The following RAB38 variants were observed in gnomAD, a reference collection of about 807,000 sequenced individuals.
The protein encoded by RAB38 is ras-related protein Rab-38.
A neutral mutation model predicts 18.4 loss-of-function variants in RAB38; 15 were observed. The ratio of observed to expected loss-of-function variants is 0.82; its 90% confidence interval spans 0.55 to 1.26. RAB38 has a LOEUF of 1.26. Ranked by LOEUF, RAB38 falls within the 50% of genes most tolerant of loss-of-function variation. The pLI is 0.00. For missense variants in RAB38, 294 were observed against 267.4 expected, an observed-to-expected ratio of 1.10 and a Z score of -0.69; for synonymous variants, 101 against 104.4, an observed-to-expected ratio of 0.97 and a Z score of 0.20.
chr11:88,083,175 G>A, the RAB38 span, among the ~76,000 whole-genome samples: 6 of 151,764 alleles, frequency 4.0e-5, no homozygotes, highest in South Asian at 1.0e-3. Flanking sequence ...TTACAATAAA[G>A]CCTTTCTTGA....
At chr11:87,977,793 A>C in the RAB38 span, among the ~76,000 whole-genome samples, 711 of 113,170 alleles carry the variant, frequency 6.3e-3, 28 homozygotes, top group African/African-American at 0.024. Context: ...TCATAGTTAT[A>C]TATATTATAG....
the RAB38 span, among the ~76,000 whole-genome samples, chr11:88,027,704 A>T: frequency 1.3e-5 from 2 of 152,230 alleles, no homozygotes; most frequent in Non-Finnish European, 2.9e-5. Context: ...TTGCTTAGGT[A>T]AACAAAGCAG....
rs377211780 is a variant in RAB38 at position 88,149,836 on chromosome 11, A to G, written c.322T>C (p.Leu108=). Residue 108 remains leucine (L), a synonymous_variant, in exon 2 of 3, where the codon TTG becomes CTG. Coordinates refer to ENST00000243662, the MANE Select transcript of RAB38 (RefSeq NM_022337.3). The part of the protein sequence containing the change: ...FEAVAKWKND[L]DSKLSLPNGK... ...TTAGGGAGACTTAACTTGGAGTCCA[A>G]ATCATTTTTCCACTTTGCCACTGCT... 1.2e-6 allele frequency: 2 copies of G among 1,613,984 alleles called. No individual in the cohort carries two copies. The highest frequency in any genetic ancestry group is 1.3e-5 in the African/African-American group (1 of 74,908).
At chr11:88,112,544 C>T (rs1490118146), downstream of RAB38, among the ~76,000 whole-genome samples, 8 of 152,152 alleles carry the variant, frequency 5.3e-5, no homozygotes, top group Admixed American at 4.6e-4. Context: ...AGAGCTACCA[C>T]GTTTCCTCCA....
the RAB38 span, among the ~76,000 whole-genome samples, chr11:87,868,614 A>AGAGAGAGGAG: frequency 6.9e-6 from 1 of 144,000 alleles, no homozygotes; most frequent in Non-Finnish European, 1.5e-5. Flanking sequence ...AGAGAGAGAG[A>AGAGAGAGGAG]GAGAGAGAGA....
the RAB38 span, among the ~76,000 whole-genome samples, chr11:88,036,239 C>T: frequency 9.9e-5 from 15 of 152,188 alleles, no homozygotes; most frequent in East Asian, 2.7e-3. Context: ...TCACTTTGTA[C>T]TTACTCTGCC....
At chr11:87,977,689 T>A in the RAB38 span, among the ~76,000 whole-genome samples, 1 of 114,722 alleles carries the variant, frequency 8.7e-6, no homozygotes, top group African/African-American at 3.5e-5. Flanking sequence ...ATATGTCATA[T>A]AATATATAGG....
chr11:87,924,180 G>T, the RAB38 span, among the ~76,000 whole-genome samples: 1 of 152,084 alleles, frequency 6.6e-6, no homozygotes, highest in East Asian at 1.9e-4. Flanking sequence ...AAGTCTGGGA[G>T]GTTAACTTGC....
At chr11:87,889,934 C>T in the RAB38 span, among the ~76,000 whole-genome samples, 1 of 151,678 alleles carries the variant, frequency 6.6e-6, no homozygotes, top group African/African-American at 2.4e-5. Flanking sequence ...TAGAGACACA[C>T]TAAATGTTCG....
the RAB38 span, among the ~76,000 whole-genome samples, chr11:87,811,329 T>A: frequency 6.6e-6 from 1 of 152,126 alleles, no homozygotes; most frequent in Non-Finnish European, 1.5e-5. Flanking sequence ...ATCAAGAGAG[T>A]GTCTCTCCCA....
chr11:88,064,940 T>C, the RAB38 span, among the ~76,000 whole-genome samples: 7 of 152,220 alleles, frequency 4.6e-5, no homozygotes, highest in African/African-American at 1.7e-4. Flanking sequence ...AAAAATCTTC[T>C]GGTTCTTCTA....
the RAB38 span, among the ~76,000 whole-genome samples, chr11:87,930,899 G>C: frequency 2.6e-5 from 4 of 151,994 alleles, no homozygotes; most frequent in East Asian, 7.7e-4. Flanking sequence ...ATTTCTGAGG[G>C]CTCTGTTCTG....
chr11:87,955,170 C>T, the RAB38 span, among the ~76,000 whole-genome samples: 1 of 105,050 alleles, frequency 9.5e-6, no homozygotes, highest in Admixed American at 1.2e-4. Context: ...GGCACACACT[C>T]TTCCACATTG....
chr11:88,123,187 A>G (rs1047057683), intron 2 of RAB38, among the ~76,000 whole-genome samples: 1 of 152,136 alleles, frequency 6.6e-6, no homozygotes, highest in African/African-American at 2.4e-5. Context: ...GAATCCCTCT[A>G]TTCTGGCACT....
the RAB38 span, among the ~76,000 whole-genome samples, chr11:87,898,108 C>T: frequency 2.6e-5 from 4 of 151,600 alleles, no homozygotes; most frequent in South Asian, 4.2e-4. Flanking sequence ...AAACTAATAA[C>T]CTCCAAAAGT....
At chr11:87,815,936 T>A in the RAB38 span, 10 of 152,576 alleles carry the variant, frequency 6.6e-5, no homozygotes, top group African/African-American at 2.4e-4. Flanking sequence ...TCAGTCATAG[T>A]TTACATCTCG....
the RAB38 span, among the ~76,000 whole-genome samples, chr11:87,913,198 AGTAGCC>A: frequency 0.088 from 13,319 of 152,040 alleles, 1,481 homozygotes; most frequent in African/African-American, 0.27. Flanking sequence ...AATGTCAAGT[AGTAGCC>A]GTTCAAGTTG....
chr11:88,145,244 G>A (rs1008121408), intron 2 of RAB38, among the ~76,000 whole-genome samples: 3 of 151,956 alleles, frequency 2.0e-5, no homozygotes, highest in Admixed American at 1.3e-4. Flanking sequence ...CCGCCTCCCA[G>A]GTTCAAGCGA....
chr11:87,937,296 CT>C, the RAB38 span, among the ~76,000 whole-genome samples: 1 of 119,780 alleles, frequency 8.3e-6, no homozygotes, highest in Non-Finnish European at 1.7e-5. Flanking sequence ...CCTCAAATAA[CT>C]TTTACTTGGT....
Sources: gnomAD v4.1 joint callset for allele counts (sites outside exome capture counted in the v4.1 genomes callset) on GRCh38, gnomAD v4.1.1 for gene constraint, MANE v1.5 for transcripts, NCBI Gene and HGNC (gene_info 2026-07-23, HGNC 2026-07-21) for gene names.